Variants in WWOX observed in about 807,000 individuals in gnomAD.
WWOX encodes the protein WW domain-containing oxidoreductase.
A neutral mutation model predicts 46.2 loss-of-function variants in WWOX; 69 were observed. The observed-to-expected ratio is 1.49, with a 90% CI of 1.23 to 1.82. The LOEUF is 1.82. WWOX is among the 40% of genes most tolerant of loss of function. WWOX has a pLI of 0.00. For synonymous variants in WWOX, 359 were observed against 202.6 expected (o/e 1.77, Z -6.56); for missense variants, 919 against 542.6 (o/e 1.69, Z -6.89).
intron 8 of WWOX, among the ~76,000 whole-genome samples, chr16:78,985,144 AG>A (rs1233662544): frequency 6.6e-6 from 1 of 152,190 alleles, no homozygotes; most frequent in Non-Finnish European, 1.5e-5. Context: ...AGATGGCTTT[AG>A]CCCCAGCAGC....
At chr16:78,793,245 G>T (rs1238843321) in intron 8 of WWOX, among the ~76,000 whole-genome samples, 5 of 152,026 alleles carry the variant, frequency 3.3e-5, no homozygotes, top group Non-Finnish European at 7.4e-5. Flanking sequence ...TTTTTTTGTA[G>T]AGACGGTGTT....
intron 8 of WWOX, among the ~76,000 whole-genome samples, chr16:78,874,178 C>A (rs1398719849): frequency 6.6e-6 from 1 of 151,514 alleles, no homozygotes; most frequent in African/African-American, 2.4e-5. Flanking sequence ...ATCGCTTGAA[C>A]CCAGGAGGTG....
At chr16:78,906,280 A>G (rs914819255) in intron 8 of WWOX, among the ~76,000 whole-genome samples, 2 of 152,204 alleles carry the variant, frequency 1.3e-5, no homozygotes, top group African/African-American at 2.4e-5. Flanking sequence ...GCATAGCCCA[A>G]GGCAGCTTGA....
At chr16:78,652,746 A>G (rs571127735) in intron 8 of WWOX, among the ~76,000 whole-genome samples, 1 of 152,330 alleles carries the variant, frequency 6.6e-6, no homozygotes, top group African/African-American at 2.4e-5. Context: ...TGTGATAAAA[A>G]TAGACTTGGT....
At chr16:79,018,804 T>A (rs1345100403) in intron 8 of WWOX, among the ~76,000 whole-genome samples, 3 of 152,076 alleles carry the variant, frequency 2.0e-5, no homozygotes, top group African/African-American at 7.2e-5. Context: ...TTGTTCCCCA[T>A]AGACCCAAGG....
At chr16:78,377,445 C>G (rs1360579334) in intron 5 of WWOX, among the ~76,000 whole-genome samples, 1 of 152,152 alleles carries the variant, frequency 6.6e-6, no homozygotes, top group Non-Finnish European at 1.5e-5. Flanking sequence ...TTGTACTCCT[C>G]TTTACTTGCC....
chr16:78,536,777 A>G (rs16948027), intron 8 of WWOX, among the ~76,000 whole-genome samples: 2,274 of 152,184 alleles, frequency 0.015, 47 homozygotes, highest in African/African-American at 0.044. Flanking sequence ...ACTTGCCTCT[A>G]GCTGATGTGG....
At chr16:78,490,416 G>C (rs956004679) in intron 8 of WWOX, among the ~76,000 whole-genome samples, 3 of 152,084 alleles carry the variant, frequency 2.0e-5, no homozygotes, top group African/African-American at 7.2e-5. Flanking sequence ...TCATTGATTT[G>C]GACTCCTTTG....
chr16:78,210,598 C>T (rs906504924), intron 5 of WWOX, among the ~76,000 whole-genome samples: 2 of 152,188 alleles, frequency 1.3e-5, no homozygotes, highest in East Asian at 1.9e-4. Context: ...GCTAATGACA[C>T]ACTGCTTAGT....
At chr16:78,713,312 C>T (rs2048485820) in intron 8 of WWOX, among the ~76,000 whole-genome samples, 1 of 140,890 alleles carries the variant, frequency 7.1e-6, no homozygotes, top group Non-Finnish European at 1.5e-5. Flanking sequence ...GCTAGTAGCA[C>T]ACCCCAAAAC....
intron 5 of WWOX, among the ~76,000 whole-genome samples, chr16:78,187,579 G>A (rs772296418): frequency 6.6e-6 from 1 of 152,140 alleles, no homozygotes; most frequent in East Asian, 1.9e-4. Context: ...CTCCAGCCTG[G>A]TCCACACACA....
intron 8 of WWOX, among the ~76,000 whole-genome samples, chr16:79,124,031 C>T (rs1271620876): frequency 1.3e-5 from 2 of 152,150 alleles, no homozygotes; most frequent in South Asian, 2.1e-4. Flanking sequence ...CCCTGATTGT[C>T]TTATTAAATA....
Position 78,115,239 on chromosome 16 carries a change from G to A in WWOX, c.409+85G>A, listed in dbSNP as rs2032720473. On this transcript the variant is annotated intron_variant, in intron 4 of 8. Coordinates refer to ENST00000566780, the MANE Select transcript of WWOX (RefSeq NM_016373.4). ...TAGCTATAATGGAATTTTGTTTAGT[G>A]GTTCTCTGATTTAAACATGACTTTT... The A allele has an allele frequency of 2.6e-6, 4 of 1,511,492 alleles. No homozygotes were observed. The East Asian group carries it at 9.0e-5, about 34-fold the overall frequency. The allele number at this position is 1,511,492 out of a possible 1,614,324, so 93.6% of individuals were successfully genotyped here.
chr16:78,477,115 G>C (rs1470872983), intron 8 of WWOX, among the ~76,000 whole-genome samples: 1 of 152,114 alleles, frequency 6.6e-6, no homozygotes, highest in Non-Finnish European at 1.5e-5. Context: ...CAATATCTAA[G>C]CATAGATATT....
intron 8 of WWOX, among the ~76,000 whole-genome samples, chr16:78,776,320 A>G (rs1481671698): frequency 6.6e-6 from 1 of 152,050 alleles, no homozygotes; most frequent in Non-Finnish European, 1.5e-5. Flanking sequence ...AGTGGCTGGG[A>G]TAGGACCTTG....
intron 5 of WWOX, among the ~76,000 whole-genome samples, chr16:78,252,285 T>C (rs567268933): frequency 2.0e-5 from 3 of 152,238 alleles, no homozygotes; most frequent in Admixed American, 2.0e-4. Context: ...AAAAATCATA[T>C]GTATGTATAT....
chr16:78,533,513 C>T (rs972221768), intron 8 of WWOX, among the ~76,000 whole-genome samples: 1 of 152,116 alleles, frequency 6.6e-6, no homozygotes, highest in Non-Finnish European at 1.5e-5. Context: ...ATGTGGCCCA[C>T]CAGCTATGGT....
intron 8 of WWOX, among the ~76,000 whole-genome samples, chr16:78,608,252 A>G (rs2045811666): frequency 6.6e-6 from 1 of 152,214 alleles, no homozygotes; most frequent in African/African-American, 2.4e-5. Flanking sequence ...ACTCAGGACC[A>G]GGATGCTGAT....
chr16:78,727,448 G>A (rs1181855078), intron 8 of WWOX, among the ~76,000 whole-genome samples: 1 of 152,094 alleles, frequency 6.6e-6, no homozygotes, highest in Admixed American at 6.6e-5. Flanking sequence ...TCTGGTCCTG[G>A]TGATCTGAAT....
Sources: gnomAD v4.1 joint callset for allele counts (sites outside exome capture counted in the v4.1 genomes callset) on GRCh38, gnomAD v4.1.1 for gene constraint, MANE v1.5 for transcripts, NCBI Gene and HGNC (gene_info 2026-07-23, HGNC 2026-07-21) for gene names.